The following UBR1 variants were observed in gnomAD, a reference collection of about 807,000 sequenced individuals.
UBR1 encodes the protein E3 ubiquitin-protein ligase UBR1.
UBR1 carries 102 observed loss-of-function variants against 242.1 expected under a neutral mutation model. The ratio of observed to expected loss-of-function variants is 0.42; its 90% CI spans 0.36 to 0.50. The LOEUF is 0.50. UBR1 is among the 20% of genes least tolerant of loss of function. The pLI is 0.01. For synonymous variants in UBR1, 675 were observed against 684.8 expected (o/e 0.99, Z 0.22); for missense variants, 1,772 against 2,101.8 (o/e 0.84, Z 3.07).
At chr15:43,037,606 T>C (rs1200178574) in intron 17 of UBR1, among the ~76,000 whole-genome samples, 167 bp downstream of exon 17, 2 of 152,140 alleles carry the variant, frequency 1.3e-5, no homozygotes, top group African/African-American at 2.4e-5. Context: ...GTGAACAGGA[T>C]AGGAGAAATG....
intron 31 of UBR1, 130 bp from the exon 32 acceptor site, chr15:43,002,834 A>C: frequency 9.3e-7 from 1 of 1,077,930 alleles, no homozygotes; most frequent in Non-Finnish European, 1.4e-6. Flanking sequence ...TAGAACATAC[A>C]TGCAAAAACA....
intron 6 of UBR1, among the ~76,000 whole-genome samples, chr15:43,060,556 T>C (rs542300592): frequency 6.6e-6 from 1 of 152,326 alleles, no homozygotes; most frequent in East Asian, 1.9e-4. Context: ...CCACCAGTCC[T>C]GGAGGCGGTC....
chr15:42,972,928 C>A (rs7166705), intron 39 of UBR1, among the ~76,000 whole-genome samples: 35,091 of 152,068 alleles, frequency 0.23, 4,711 homozygotes, highest in African/African-American at 0.36. Flanking sequence ...GTCAAACTGT[C>A]TTCCAAAGTG....
intron 2 of UBR1, among the ~76,000 whole-genome samples, chr15:43,082,992 T>A (rs1198841704): frequency 6.6e-6 from 1 of 152,266 alleles, no homozygotes; most frequent in Non-Finnish European, 1.5e-5. Flanking sequence ...GGTTTCGAAC[T>A]GTTAGATTAC....
chr15:43,103,933 GAGAA>G (rs947351288), intron 1 of UBR1, among the ~76,000 whole-genome samples: 2 of 151,580 alleles, frequency 1.3e-5, no homozygotes, highest in Admixed American at 6.5e-5. Context: ...AAGAGAAAAA[GAGAA>G]AGAGAGAGGT....
intron 2 of UBR1, among the ~76,000 whole-genome samples, chr15:43,084,397 A>G (rs1301907862): frequency 1.3e-5 from 2 of 152,200 alleles, no homozygotes; most frequent in Non-Finnish European, 2.9e-5. Flanking sequence ...AAAAATATGT[A>G]AGAATATAAA....
rs905434637 is a variant in UBR1 at position 43,027,721 on chromosome 15, A to C, written c.2432+55T>G. 18 of 1,527,182 alleles carry C rather than the reference A, an allele frequency of 1.2e-5. 1 individual carries two copies. The Admixed American group carries it at 2.2e-4, about 19-fold the overall frequency. 94.6% of individuals were successfully genotyped at this position (1,527,182 alleles called of 1,614,324 possible). On this transcript the variant is annotated intron_variant, in intron 22 of 46. Transcript: ENST00000290650. Reference sequence around the variant, plus strand: ...AGAGCTTCTACAAAGTATCCAAAGTACAAGAACAAAGATCAAACTACCTTT... The same window carrying C: ...AGAGCTTCTACAAAGTATCCAAAGTCCAAGAACAAAGATCAAACTACCTTT...
At chr15:43,002,432 G>A (rs752077142) in intron 32 of UBR1, 123 bp downstream of exon 32, 28 of 1,099,802 alleles carry the variant, frequency 2.5e-5, no homozygotes, top group Non-Finnish European at 3.5e-5. Context: ...TGTTACCCAG[G>A]CTGGTCTCGA....
chr15:43,022,902 A>C, intron 25 of UBR1, 101 bp from the exon 26 acceptor site: 1 of 721,896 alleles, frequency 1.4e-6, no homozygotes, highest in South Asian at 1.7e-5. Flanking sequence ...TCACTCTGTC[A>C]CCCAGGTTGG....
intron 40 of UBR1, 33 bp from the exon 41 acceptor site, chr15:42,966,319 T>C: frequency 6.2e-7 from 1 of 1,613,514 alleles, no homozygotes; most frequent in Non-Finnish European, 8.5e-7. Context: ...GAGAACAGAA[T>C]ACATATCAGA....
At chr15:42,971,509 T>G (rs1801856867) in intron 39 of UBR1, among the ~76,000 whole-genome samples, 1 of 152,258 alleles carries the variant, frequency 6.6e-6, no homozygotes, top group South Asian at 2.1e-4. Context: ...ATAGCACATT[T>G]GAGTAGTGCT....
chr15:43,017,603 A>T (rs2033045939), intron 27 of UBR1, among the ~76,000 whole-genome samples: 1 of 152,104 alleles, frequency 6.6e-6, no homozygotes, highest in Non-Finnish European at 1.5e-5. Flanking sequence ...TGAGGTCAGG[A>T]GTTAGAGATC....
intron 15 of UBR1, among the ~76,000 whole-genome samples, chr15:43,041,113 A>C (rs1013767208): frequency 2.0e-5 from 3 of 152,240 alleles, no homozygotes; most frequent in African/African-American, 7.2e-5. Flanking sequence ...AATGGATTAT[A>C]AATCATGCTG....
At chr15:43,072,263 T>G (rs2033832712) in intron 4 of UBR1, among the ~76,000 whole-genome samples, 1 of 152,206 alleles carries the variant, frequency 6.6e-6, no homozygotes, top group Non-Finnish European at 1.5e-5. Context: ...CTTTATGGAT[T>G]CTTTAGGATT....
chr15:43,028,149 T>A (rs542691369), intron 21 of UBR1, among the ~76,000 whole-genome samples: 1 of 152,190 alleles, frequency 6.6e-6, no homozygotes, highest in African/African-American at 2.4e-5. Flanking sequence ...AGCTCTTCTT[T>A]ATGTAGTATG....
rs147478213 is a variant in UBR1 at position 43,036,189 on chromosome 15, T to C, written c.2179A>G (p.Thr727Ala). The stretch of plus-strand genomic sequence containing the variant: ...TACAGGTTGTATACCTGGTCTTTTG[T>C]AGATATGGTCTTGTTAAAAGCCTCG... ...LAEAFNKTISTKDQDLIKQYN... is the reference protein window; with the variant it reads ...LAEAFNKTISAKDQDLIKQYN... Residue 727 changes from threonine (T) to alanine (A), a missense_variant, in exon 19 of 47, where the codon ACA becomes GCA. By Grantham distance (58) the Thr-to-Ala change is moderately conservative. Coordinates refer to ENST00000290650, the MANE Select transcript of UBR1 (RefSeq NM_174916.3). The C allele has an allele frequency of 3.1e-6, 5 of 1,612,526 alleles. No homozygotes were observed. The African/African-American group carries it at 6.7e-5, about 21-fold the overall frequency.
rs1380638654 is a variant in UBR1, at chr15:43,021,344, C to G, written c.2871G>C (p.Met957Ile). The change falls in exon 27 of 47, where the codon ATG becomes ATC. Residue 957 changes from methionine (M) to isoleucine (I), a missense_variant. This residue lies in a region of UBR1 where 965 missense variants were observed against 1,079.7 expected (regional missense o/e 0.89). Coordinates refer to ENST00000290650, the MANE Select transcript of UBR1 (RefSeq NM_174916.3). The part of the protein sequence containing the change: ...RLGSSAMNIQ[M>I]LLEKLKGIPQ... ...GAATTCCTTTGAGTTTTTCCAAAAG[C>G]ATTTGTATATTCATGGCTGAACTTC... 6.2e-7 allele frequency: 1 copy of G among 1,613,670 alleles called. No homozygotes were observed. Among genetic ancestry groups the G allele is most frequent in the South Asian group, 1.1e-5 (1 of 91,072 alleles).
At chr15:43,079,760 C>G (rs1398897481) in intron 3 of UBR1, among the ~76,000 whole-genome samples, 1 of 151,434 alleles carries the variant, frequency 6.6e-6, no homozygotes, top group Non-Finnish European at 1.5e-5. Context: ...CCAGCCTGGG[C>G]GACAAAGCGA....
chr15:43,035,958 T>A (rs376067998), intron 19 of UBR1, among the ~76,000 whole-genome samples: 1 of 148,642 alleles, frequency 6.7e-6, no homozygotes, highest in African/African-American at 2.5e-5. Flanking sequence ...AAGGATAGCA[T>A]TGGGAGATAT....
Sources: allele counts gnomAD v4.1 joint callset (sites outside exome capture counted in the v4.1 genomes callset), GRCh38; gene constraint gnomAD v4.1.1; regional missense constraint gnomAD v4.1.1; transcripts MANE v1.5; gene names NCBI Gene and HGNC (gene_info 2026-07-23, HGNC 2026-07-21).